TMEM178A: variants seen among roughly 807,000 people sequenced by gnomAD.
TMEM178A encodes the protein transmembrane protein 178.
A neutral mutation model predicts 29.1 loss-of-function variants in TMEM178A; 12 were observed. The observed-to-expected ratio is 0.41, with a 90% CI of 0.26 to 0.67. The LOEUF is 0.67. Ranked by LOEUF, TMEM178A falls within the 30% of genes least tolerant of loss-of-function variation. The pLI is 0.29. For synonymous variants in TMEM178A, 210 were observed against 187.2 expected (o/e 1.12, Z -0.99); for missense variants, 366 against 419.1 (o/e 0.87, Z 1.11).
intron 1 of TMEM178A, among the ~76,000 whole-genome samples, chr2:39,677,708 C>T (rs1044810878): frequency 1.4e-4 from 21 of 152,106 alleles, no homozygotes; most frequent in Non-Finnish European, 2.1e-4. Flanking sequence ...CAAAACCTTT[C>T]CAGCAAACCT....
At chr2:39,705,881 A>G (rs1206662026) in intron 2 of TMEM178A, among the ~76,000 whole-genome samples, 3 of 152,248 alleles carry the variant, frequency 2.0e-5, no homozygotes, top group African/African-American at 7.2e-5. Flanking sequence ...GCATTTGCCC[A>G]GACCTGTTAC....
At chr2:39,719,191 A>G (rs1672651815), downstream of TMEM178A, among the ~76,000 whole-genome samples, 1 of 152,226 alleles carries the variant, frequency 6.6e-6, no homozygotes, top group Admixed American at 6.5e-5. Flanking sequence ...GAAAGGGTCA[A>G]TTATTTTCAA....
At chr2:39,732,993 T>G in the TMEM178A span, among the ~76,000 whole-genome samples, 6 of 152,292 alleles carry the variant, frequency 3.9e-5, no homozygotes, top group South Asian at 1.2e-3. Context: ...AAGGGGAACC[T>G]AAGGAGTGTG....
chr2:39,721,108 C>G (rs763200782), downstream of TMEM178A, among the ~76,000 whole-genome samples: 1 of 152,214 alleles, frequency 6.6e-6, no homozygotes, highest in Non-Finnish European at 1.5e-5. Context: ...GCTATCCTGA[C>G]GAAGAACACA....
Position 39,708,607 on chromosome 2 carries a change from C to T in TMEM178A, c.652+1421C>T, listed in dbSNP as rs187333714. ...CTAATTTTTGTATTTTTAGTAGAGA[C>T]GGGGTTTCACCGTGTTAGCCAGGAT... On this transcript the variant is annotated intron_variant, in intron 3 of 3. Coordinates refer to ENST00000281961, the MANE Select transcript of TMEM178A (RefSeq NM_152390.3). Among the ~76,000 whole-genome samples, 267 of 150,846 alleles carry T rather than the reference C, an allele frequency of 1.8e-3. 2 individuals carry two copies. The highest frequency in any genetic ancestry group is 6.1e-3 in the African/African-American group (252 of 41,064).
intron 2 of TMEM178A, 147 bp downstream of exon 2, chr2:39,704,341 G>A: frequency 1.5e-6 from 1 of 657,496 alleles, no homozygotes; most frequent in South Asian, 2.0e-5. Context: ...AGACTCAGAG[G>A]ATCATTTCCC....
At position 39,717,543 on chromosome 2, in the gene TMEM178A, A is replaced by G. The variant is rs147946378; in HGVS notation, c.*292A>G. 2.4e-4 allele frequency: 64 copies of G among 263,816 alleles called. No homozygotes were observed. The East Asian group carries it at 4.5e-3, about 18-fold the overall frequency. The allele number at this position is 263,816 out of a possible 1,614,324, so 16.3% of individuals were successfully genotyped here. On this transcript the variant is annotated 3_prime_UTR_variant, in exon 4 of 4. Transcript: ENST00000281961. ...AAACTGCAATGGAAAAATTTGTATGATTTCCATTTATTTCAGAAAGTTTGT... is the reference window on the plus strand; with the variant it reads ...AAACTGCAATGGAAAAATTTGTATGGTTTCCATTTATTTCAGAAAGTTTGT...
chr2:39,668,160 G>A (rs1279893376), intron 1 of TMEM178A, among the ~76,000 whole-genome samples: 1 of 152,192 alleles, frequency 6.6e-6, no homozygotes, highest in African/African-American at 2.4e-5. Context: ...GCCAGTTCCA[G>A]GGCAGTCCAG....
chr2:39,720,851 G>C (rs1024363652), downstream of TMEM178A, among the ~76,000 whole-genome samples: 3 of 152,162 alleles, frequency 2.0e-5, no homozygotes, highest in African/African-American at 4.8e-5. Context: ...ATATAGCTTG[G>C]CAAGCAAGGA....
At position 39,670,241 on chromosome 2, in the gene TMEM178A, G is replaced by A. The variant is rs77278367; in HGVS notation, c.400+3867G>A. Among the ~76,000 whole-genome samples the A allele has an allele frequency of 5.4e-3, 825 of 152,302 alleles. 10 individuals carry two copies. Among genetic ancestry groups the A allele is most frequent in the African/African-American group, 0.019 (796 of 41,552 alleles). ...AAAAATCTGTAAGGTAAGTGAGTGT[G>A]TCATGGATTATAAAAGGATGCCAGG... On this transcript the variant is annotated intron_variant, in intron 1 of 3. Coordinates refer to ENST00000281961, the MANE Select transcript of TMEM178A (RefSeq NM_152390.3).
At chr2:39,681,392 T>C (rs192556428) in intron 1 of TMEM178A, among the ~76,000 whole-genome samples, 3 of 152,304 alleles carry the variant, frequency 2.0e-5, no homozygotes, top group East Asian at 3.9e-4. Flanking sequence ...GCATACCACC[T>C]CATGTTTGCC....
In TMEM178A at chr2:39,704,190, G is replaced by A. The variant is rs144202857; in HGVS notation, c.510G>A (p.Leu170=). ...TKTIQQDEWH[L]LHLRRITAGF... ...CCATACAGCAAGATGAGTGGCACCT[G>A]CTTCGTAAGTATTTCCAGGAGAGGT... The change falls in exon 2 of 4, where the codon CTG becomes CTA. Residue 170 remains leucine, a synonymous_variant. Transcript: ENST00000281961. The A allele has an allele frequency of 4.3e-6, 7 of 1,613,420 alleles. No individual in the cohort carries two copies.
chr2:39,669,984 A>G (rs1670342822), intron 1 of TMEM178A, among the ~76,000 whole-genome samples: 1 of 152,228 alleles, frequency 6.6e-6, no homozygotes, highest in African/African-American at 2.4e-5. Context: ...TTGACTCTAA[A>G]TTAGTCTTCC....
downstream of TMEM178A, among the ~76,000 whole-genome samples, chr2:39,718,970 A>T (rs1340134946): frequency 6.6e-6 from 1 of 152,226 alleles, no homozygotes; most frequent in Non-Finnish European, 1.5e-5. Flanking sequence ...AAGGAAAATG[A>T]TCATCTACTC....
chr2:39,712,041 T>TTTTG (rs1553350720), intron 3 of TMEM178A, among the ~76,000 whole-genome samples: 2 of 139,252 alleles, frequency 1.4e-5, no homozygotes, highest in African/African-American at 5.3e-5. Flanking sequence ...GAATTGCATT[T>TTTTG]TGTGTGTGTG....
intron 1 of TMEM178A, among the ~76,000 whole-genome samples, chr2:39,698,826 C>G (rs1202881030): frequency 6.6e-6 from 1 of 151,938 alleles, no homozygotes; most frequent in Non-Finnish European, 1.5e-5. Context: ...AAGTTAATTA[C>G]TAAGTCAATT....
intron 3 of TMEM178A, among the ~76,000 whole-genome samples, chr2:39,716,575 G>A (rs1672546604): frequency 6.6e-6 from 1 of 152,182 alleles, no homozygotes; most frequent in African/African-American, 2.4e-5. Context: ...AGCAGATGTT[G>A]TATAACGATT....
intron 1 of TMEM178A, among the ~76,000 whole-genome samples, chr2:39,679,286 T>C (rs1301146403): frequency 6.6e-6 from 1 of 152,122 alleles, no homozygotes; most frequent in African/African-American, 2.4e-5. Context: ...CCCACTTCAG[T>C]GTTTTTGTTG....
At chr2:39,709,072 C>T (rs1215870116) in intron 3 of TMEM178A, among the ~76,000 whole-genome samples, 1 of 152,222 alleles carries the variant, frequency 6.6e-6, no homozygotes, top group African/African-American at 2.4e-5. Context: ...TTGCACTTCT[C>T]ACTGTAATGG....
Sources: gnomAD v4.1 joint callset for allele counts (sites outside exome capture counted in the v4.1 genomes callset) on GRCh38, gnomAD v4.1.1 for gene constraint, MANE v1.5 for transcripts, NCBI Gene and HGNC (gene_info 2026-07-23, HGNC 2026-07-21) for gene names.